The following ACSM3 variants were observed in gnomAD, a reference collection of about 807,000 sequenced individuals.
ACSM3 encodes the protein acyl-CoA synthetase medium chain family member 3.
ACSM3 carries 61 observed loss-of-function variants against 74.1 expected under a neutral mutation model. The ratio of observed to expected loss-of-function variants is 0.82; its 90% CI spans 0.67 to 1.02. The LOEUF (loss-of-function observed/expected upper bound fraction) is 1.02. Ranked by LOEUF, ACSM3 falls within the 50% of genes least tolerant of loss-of-function variation. The probability of loss-of-function intolerance (pLI) is 0.00; values close to 1 mark genes in which losing one functional copy is unlikely to be tolerated. For synonymous variants in ACSM3, 213 were observed against 241.5 expected (o/e 0.88, Z 1.09); for missense variants, 660 against 697.0 (o/e 0.95, Z 0.60).
rs1219334360 is a variant in ACSM3, at chr16:20,781,050, A to G, written c.859A>G (p.Ser287Gly). The G allele has an allele frequency of 1.2e-6, 2 of 1,614,218 alleles. No individual in the cohort carries two copies. The highest frequency in any genetic ancestry group is 2.2e-5 in the South Asian group (2 of 91,086). ...DTGWAKSAWS[S>G]VFSPWIQGAC... Reference sequence around the variant, plus strand: ...GGGCTGGGCAAAGTCTGCATGGAGTAGTGTTTTTTCTCCGTGGATCCAGGG... The same window carrying G: ...GGGCTGGGCAAAGTCTGCATGGAGTGGTGTTTTTTCTCCGTGGATCCAGGG... The change falls in exon 6 of 14, where the codon AGT becomes GGT. Residue 287 changes from serine (S) to glycine (G), a missense_variant. Transcript: ENST00000289416.
chr16:20,759,376 G>A (rs544628577), upstream of ACSM3, among the ~76,000 whole-genome samples: 8 of 152,100 alleles, frequency 5.3e-5, no homozygotes, highest in South Asian at 2.1e-4. Flanking sequence ...GCTAACACAC[G>A]GTGAAACCCC....
At chr16:20,758,729 C>A (rs2080052013) in intron 3 of ACSM3, among the ~76,000 whole-genome samples, 1 of 150,690 alleles carries the variant, frequency 6.6e-6, no homozygotes, top group African/African-American at 2.4e-5. Context: ...GTTAGGGTGT[C>A]AATTTTGGAT....
At chr16:20,683,566 C>G (rs968519758) in intron 1 of ACSM3, among the ~76,000 whole-genome samples, 7 of 151,894 alleles carry the variant, frequency 4.6e-5, no homozygotes, top group African/African-American at 1.5e-4. Flanking sequence ...AATGGCCATG[C>G]CTCACCCCAT....
chr16:20,713,485 G>A (rs1192804172), intron 1 of ACSM3, among the ~76,000 whole-genome samples: 1 of 151,954 alleles, frequency 6.6e-6, no homozygotes, highest in East Asian at 1.9e-4. Flanking sequence ...AATTTTAGAG[G>A]ATGAGTAAAA....
chr16:20,736,706 A>C (rs761643232), intron 1 of ACSM3: 38 of 656,702 alleles, frequency 5.8e-5, no homozygotes, highest in Non-Finnish European at 8.7e-5. Context: ...TAAAGGCTGA[A>C]AGATCCCTAA....
chr16:20,754,090 T>C (rs1232117907), intron 2 of ACSM3, among the ~76,000 whole-genome samples: 5 of 152,042 alleles, frequency 3.3e-5, no homozygotes, highest in Non-Finnish European at 7.4e-5. Context: ...ATGCAGAAAG[T>C]ATGGGCAGAG....
chr16:20,752,619 T>A (rs1305302850), intron 2 of ACSM3, among the ~76,000 whole-genome samples: 1 of 152,174 alleles, frequency 6.6e-6, no homozygotes, highest in East Asian at 1.9e-4. Flanking sequence ...TCCCTAGGAT[T>A]AAAACTGGGT....
intron 1 of ACSM3, among the ~76,000 whole-genome samples, chr16:20,710,779 T>C (rs1042831260): frequency 2.6e-5 from 4 of 152,124 alleles, no homozygotes; most frequent in African/African-American, 9.7e-5. Context: ...AAGTGCTATT[T>C]AAGTGGTACA....
chr16:20,765,018 G>C (rs1380919192), intron 1 of ACSM3, among the ~76,000 whole-genome samples: 2 of 152,170 alleles, frequency 1.3e-5, no homozygotes, highest in Non-Finnish European at 2.9e-5. Context: ...TTAAACTACT[G>C]TTATTACTTG....
chr16:20,743,228 G>A (rs1474643776), intron 1 of ACSM3, among the ~76,000 whole-genome samples: 3 of 151,998 alleles, frequency 2.0e-5, no homozygotes, highest in Non-Finnish European at 2.9e-5. Context: ...GTGAGCCACC[G>A]CGCCTGGCCG....
At chr16:20,741,438 C>A in intron 1 of ACSM3, 1 of 1,454,882 alleles carries the variant, frequency 6.9e-7, no homozygotes, top group Non-Finnish European at 9.1e-7. Context: ...ATACCAGCAG[C>A]CATCCCTCCA....
chr16:20,719,696 A>G (rs1423883728), intron 1 of ACSM3, among the ~76,000 whole-genome samples: 1 of 152,210 alleles, frequency 6.6e-6, no homozygotes, highest in Non-Finnish European at 1.5e-5. Context: ...GAAGTCTCAA[A>G]TCTAAACAAA....
Position 20,734,161 on chromosome 16 carries a change from C to T in ACSM3, c.-189-15749C>T, listed in dbSNP as rs556296656. On this transcript the variant is annotated intron_variant, in intron 1 of 3. Transcript: ENST00000561584. ...ACAAACTGTATAATCAAAATCTTTC[C>T]GTAAAATAGCAGCTTTCACAAAGTA... 18 of 152,646 alleles carry T rather than the reference C, an allele frequency of 1.2e-4. 1 individual carries two copies. The highest frequency in any genetic ancestry group is 3.9e-4 in the Admixed American group (6 of 15,286). 9.5% of individuals were successfully genotyped at this position (152,646 alleles called of 1,614,324 possible).
At chr16:20,759,460 T>G (rs2080058861), upstream of ACSM3, among the ~76,000 whole-genome samples, 1 of 148,562 alleles carries the variant, frequency 6.7e-6, no homozygotes, top group Non-Finnish European at 1.5e-5. Context: ...CTCAGGAGGC[T>G]GAGGCAGGAG....
chr16:20,718,544 A>G (rs1336699991), intron 1 of ACSM3: 2 of 264,260 alleles, frequency 7.6e-6, no homozygotes, highest in African/African-American at 2.2e-5. Flanking sequence ...AGAGCTGCCA[A>G]TATGTGTATC....
chr16:20,746,733 A>G (rs989126256), intron 1 of ACSM3, among the ~76,000 whole-genome samples: 1 of 152,192 alleles, frequency 6.6e-6, no homozygotes, highest in Non-Finnish European at 1.5e-5. Flanking sequence ...CTGCCCCTAG[A>G]GGAGTCAAAT....
chr16:20,772,694 A>C (rs11642585), intron 2 of ACSM3, among the ~76,000 whole-genome samples: 20,201 of 152,102 alleles, frequency 0.13, 1,394 homozygotes, highest in East Asian at 0.21. Flanking sequence ...GTTCTGGGTT[A>C]TCTATTCTGT....
At chr16:20,704,840 TATC>T (rs1018606696) in intron 1 of ACSM3, among the ~76,000 whole-genome samples, 5 of 152,200 alleles carry the variant, frequency 3.3e-5, no homozygotes, top group African/African-American at 9.6e-5. Context: ...ATAGACAAGT[TATC>T]ATAAAAGAGG....
intron 2 of ACSM3, among the ~76,000 whole-genome samples, chr16:20,751,606 T>C (rs1271837646): frequency 1.3e-5 from 2 of 152,154 alleles, no homozygotes; most frequent in African/African-American, 4.8e-5. Context: ...CAAGTGATAG[T>C]AGAGCTCAGT....
Sources: gnomAD v4.1 joint callset for allele counts (sites outside exome capture counted in the v4.1 genomes callset) on GRCh38, gnomAD v4.1.1 for gene constraint, MANE v1.5 for transcripts, NCBI Gene and HGNC (gene_info 2026-07-23, HGNC 2026-07-21) for gene names.